Variants in CACNA2D3 observed in about 807,000 individuals in gnomAD.
CACNA2D3 encodes the protein voltage-dependent calcium channel subunit alpha-2/delta-3.
CACNA2D3 carries 60 observed loss-of-function variants against 160.6 expected under a neutral mutation model. That is an observed-to-expected ratio of 0.37 (90% CI 0.30 to 0.46). CACNA2D3 has a LOEUF of 0.46. CACNA2D3 is among the 20% of genes least tolerant of loss of function. CACNA2D3 has a pLI of 1.00. For synonymous variants in CACNA2D3, 558 were observed against 492.9 expected (o/e 1.13, Z -1.75); for missense variants, 1,205 against 1,365.0 (o/e 0.88, Z 1.85).
At chr3:54,209,650 C>T (rs769368778) in intron 2 of CACNA2D3, among the ~76,000 whole-genome samples, 1 of 152,190 alleles carries the variant, frequency 6.6e-6, no homozygotes, top group Non-Finnish European at 1.5e-5. Flanking sequence ...TAGAATCTCT[C>T]ATCTCATTGT....
At chr3:54,550,045 G>A (rs370877050) in intron 5 of CACNA2D3, among the ~76,000 whole-genome samples, 8 of 152,298 alleles carry the variant, frequency 5.3e-5, no homozygotes, top group South Asian at 4.2e-4. Context: ...TAAATGACTT[G>A]TCATCTATCA....
chr3:54,894,148 A>G (rs1481987170), intron 25 of CACNA2D3, among the ~76,000 whole-genome samples: 1 of 152,144 alleles, frequency 6.6e-6, no homozygotes, highest in Non-Finnish European at 1.5e-5. Flanking sequence ...CACCACTGCA[A>G]TAGCTCCTAG....
At chr3:54,209,908 T>C (rs1701343302) in intron 2 of CACNA2D3, among the ~76,000 whole-genome samples, 1 of 152,240 alleles carries the variant, frequency 6.6e-6, no homozygotes, top group Admixed American at 6.5e-5. Context: ...TAGAGATGAA[T>C]GTTGCATGTG....
chr3:54,725,504 A>G (rs1193502037), intron 11 of CACNA2D3, among the ~76,000 whole-genome samples: 1 of 152,236 alleles, frequency 6.6e-6, no homozygotes, highest in Non-Finnish European at 1.5e-5. Flanking sequence ...CATTGATGCA[A>G]AAATCTTCAA....
intron 11 of CACNA2D3, among the ~76,000 whole-genome samples, chr3:54,722,267 A>T (rs937439779): frequency 1.3e-5 from 2 of 152,096 alleles, no homozygotes; most frequent in African/African-American, 4.8e-5. Flanking sequence ...CCATCAGGTC[A>T]TTTATGTTCT....
chr3:54,645,979 A>G (rs2106853377), intron 11 of CACNA2D3, among the ~76,000 whole-genome samples: 1 of 150,590 alleles, frequency 6.6e-6, no homozygotes, highest in Middle Eastern at 3.4e-3. Context: ...TAATCTCTTT[A>G]CCTTCTGTGT....
chr3:54,287,225 G>A (rs934924421), intron 2 of CACNA2D3, among the ~76,000 whole-genome samples: 9 of 152,126 alleles, frequency 5.9e-5, no homozygotes, highest in South Asian at 4.1e-4. Context: ...ATAAAGGGAC[G>A]GAGGAAGATA....
At chr3:54,475,809 T>TTGTGTGTGTGTGTG (rs3030044) in intron 4 of CACNA2D3, among the ~76,000 whole-genome samples, 36,820 of 142,558 alleles carry the variant, frequency 0.26, 4,998 homozygotes, top group Non-Finnish European at 0.32. Flanking sequence ...TGGTTACCAT[T>TTGTGTGTGTGTGTG]TGTGTGTGTG....
rs1469206875 is a variant in CACNA2D3, at chr3:55,049,859, A to G, written c.2988-23586A>G. On this transcript the variant is annotated intron_variant, in intron 35 of 37. Coordinates refer to ENST00000474759, the MANE Select transcript of CACNA2D3 (RefSeq NM_018398.3). ...ATTGATCCCTTTACCATTATGTAAT[A>G]GCCTTCTTTGTCTCTTTTGATCTTT... is the stretch of plus-strand genomic sequence containing the variant. Among the ~76,000 whole-genome samples, 218 of 148,796 alleles carry G rather than the reference A, an allele frequency of 1.5e-3. 2 individuals are homozygous for G. The highest frequency in any genetic ancestry group is 5.1e-3 in the African/African-American group (201 of 39,382).
At chr3:54,738,668 C>G (rs1299172412) in intron 11 of CACNA2D3, among the ~76,000 whole-genome samples, 2 of 152,166 alleles carry the variant, frequency 1.3e-5, no homozygotes, top group African/African-American at 4.8e-5. Context: ...TGCCATCATC[C>G]CTATACATTT....
chr3:54,164,742 C>T (rs937028706), intron 2 of CACNA2D3, among the ~76,000 whole-genome samples: 1 of 152,140 alleles, frequency 6.6e-6, no homozygotes, highest in African/African-American at 2.4e-5. Context: ...TACCCTCTGC[C>T]CACTTCTGCC....
chr3:54,936,959 C>T (rs1701344164), intron 27 of CACNA2D3, among the ~76,000 whole-genome samples: 1 of 152,146 alleles, frequency 6.6e-6, no homozygotes, highest in Non-Finnish European at 1.5e-5. Flanking sequence ...TATCCATGGC[C>T]TCCAGTTGCT....
chr3:54,321,942 A>AG (rs67058049), intron 3 of CACNA2D3, among the ~76,000 whole-genome samples: 2 of 151,380 alleles, frequency 1.3e-5, no homozygotes, highest in Non-Finnish European at 2.9e-5. Flanking sequence ...AAAAAAAAAA[A>AG]CTAGTAACAG....
intron 5 of CACNA2D3, among the ~76,000 whole-genome samples, chr3:54,554,765 G>A (rs1052982258): frequency 1.3e-5 from 2 of 152,126 alleles, no homozygotes; most frequent in Middle Eastern, 3.4e-3. Flanking sequence ...TGACTGCCGT[G>A]CTGCTGTTCA....
At chr3:54,223,110 C>A (rs1392086340) in intron 2 of CACNA2D3, among the ~76,000 whole-genome samples, 1 of 152,128 alleles carries the variant, frequency 6.6e-6, no homozygotes, top group Admixed American at 6.5e-5. Flanking sequence ...CTAGATATTA[C>A]AAAGTGCATA....
chr3:54,188,625 C>T lies in CACNA2D3; in HGVS notation c.204+65031C>T, dbSNP rs1003701845. Among the ~76,000 whole-genome samples, 23 of 152,210 alleles carry T rather than the reference C, an allele frequency of 1.5e-4. No homozygotes were observed. In the South Asian group the frequency reaches 4.2e-3, roughly 27 times the overall value. On this transcript the variant is annotated intron_variant, in intron 2 of 37. Coordinates refer to ENST00000474759, the MANE Select transcript of CACNA2D3 (RefSeq NM_018398.3). ...TCCTGCTGTTGGAGCAAATGGGAGGCCATGTTTGCTGGGTTTCCTGCCAGA... is the reference window on the plus strand; with the variant it reads ...TCCTGCTGTTGGAGCAAATGGGAGGTCATGTTTGCTGGGTTTCCTGCCAGA...
chr3:54,569,650 A>G, intron 6 of CACNA2D3, 145 bp from the exon 7 acceptor site: 1 of 669,870 alleles, frequency 1.5e-6, no homozygotes, highest in Non-Finnish European at 2.6e-6. Flanking sequence ...GGATTTGGCG[A>G]TGGAGCATGT....
chr3:54,340,505 A>G (rs1704493385), intron 3 of CACNA2D3, among the ~76,000 whole-genome samples: 1 of 152,268 alleles, frequency 6.6e-6, no homozygotes, highest in Admixed American at 6.5e-5. Context: ...ATGAATATAA[A>G]GTGAAACAGA....
At chr3:54,559,752 C>T (rs1270265423) in intron 5 of CACNA2D3, among the ~76,000 whole-genome samples, 2 of 152,174 alleles carry the variant, frequency 1.3e-5, no homozygotes, top group Non-Finnish European at 2.9e-5. Context: ...CAAACCTTCA[C>T]CCTCTGAAAG....
Sources: gnomAD v4.1 joint callset for allele counts (sites outside exome capture counted in the v4.1 genomes callset) on GRCh38, gnomAD v4.1.1 for gene constraint, MANE v1.5 for transcripts, NCBI Gene and HGNC (gene_info 2026-07-23, HGNC 2026-07-21) for gene names.